GPR162: variants seen among roughly 807,000 people sequenced by gnomAD.
The protein encoded by GPR162 is G protein-coupled receptor 162, also known as probable G protein-coupled receptor 162.
A neutral mutation model predicts 44.9 loss-of-function variants in GPR162; 26 were observed. The ratio of observed to expected loss-of-function variants is 0.58; its 90% confidence interval spans 0.42 to 0.80. The LOEUF (loss-of-function observed/expected upper bound fraction) is 0.80, where lower values mean the gene tolerates loss of function less well. Ranked by LOEUF, GPR162 falls within the 30% of genes least tolerant of loss-of-function variation. The probability of loss-of-function intolerance (pLI) is 0.00; values close to 1 mark genes in which losing one functional copy is unlikely to be tolerated. For missense variants in GPR162, 704 were observed against 802.3 expected (o/e 0.88, Z 1.48); for synonymous variants, 363 against 335.2 (o/e 1.08, Z -0.91).
intron 3 of GPR162, 151 bp downstream of exon 3, chr12:6,825,824 C>G: frequency 3.0e-6 from 2 of 664,930 alleles, no homozygotes; most frequent in Non-Finnish European, 5.1e-6. Context: ...TAAGCAGGCA[C>G]CCTGCTGTCC....
Position 6,827,341 on chromosome 12 carries a change from C to T in GPR162, c.*137C>T. 1.5e-6 allele frequency: 1 copy of T among 666,396 alleles called. No individual in the cohort carries two copies. The allele number at this position is 666,396 out of a possible 1,614,324, so 41.3% of individuals were successfully genotyped here. ...GGGGCTCAGAAGGCCCTGCTCTCTC[C>T]CATCCAAGTGACCAGATGCCCTACT... On this transcript the variant is annotated 3_prime_UTR_variant, in exon 5 of 5. Transcript: ENST00000311268.
In GPR162 at chr12:6,825,682, A is replaced by C; in HGVS notation, c.1057+9A>C. On this transcript the variant is annotated intron_variant, in intron 3 of 4. Coordinates refer to ENST00000311268, the MANE Select transcript of GPR162 (RefSeq NM_019858.2). ...GGAGGATGGAGATGACGGTCAGAGGAGGGGCTGGGCTTTGGCTTTCCTGGA... is the reference window on the plus strand; with the variant it reads ...GGAGGATGGAGATGACGGTCAGAGGCGGGGCTGGGCTTTGGCTTTCCTGGA... 1.3e-6 allele frequency: 2 copies of C among 1,557,208 alleles called. No individual in the cohort carries two copies.
In GPR162 at chr12:6,825,507, G is replaced by A. The variant is rs781934229; in HGVS notation, c.891G>A (p.Lys297=). The A allele has an allele frequency of 8.7e-6, 14 of 1,610,640 alleles. No homozygotes were observed. Among genetic ancestry groups the A allele is most frequent in the Admixed American group, 1.7e-5 (1 of 59,856 alleles). ...AGGTGGTGAGCTTCTTCTCCCTCAAGTCGGACTCGGCGCCCCCCTGGATGG... is the reference window on the plus strand; with the variant it reads ...AGGTGGTGAGCTTCTTCTCCCTCAAATCGGACTCGGCGCCCCCCTGGATGG... ...PILVVSFFSL[K]SDSAPPWMVL... is the part of the protein sequence containing the mutation. The change falls in exon 3 of 5, where the codon AAG becomes AAA. Residue 297 remains lysine, a synonymous_variant. Coordinates refer to ENST00000311268, the MANE Select transcript of GPR162 (RefSeq NM_019858.2).
Position 6,823,835 on chromosome 12 carries a change from G to A in GPR162, c.-64G>A. ...GATCATGGGAGTGTTTGTGAGTGGG[G>A]CTCCTGGGTGAGACCTAGCCCCCAC... On this transcript the variant is annotated 5_prime_UTR_variant, in exon 2 of 5. Transcript: ENST00000311268. The A allele has an allele frequency of 6.3e-7, 1 of 1,596,794 alleles. No individual in the cohort carries two copies. The highest frequency in any genetic ancestry group is 8.5e-7 in the Non-Finnish European group (1 of 1,170,052).
chr12:6,826,108 G>A (rs1943350932), intron 3 of GPR162, 88 bp from the exon 4 acceptor site: 8 of 972,364 alleles, frequency 8.2e-6, no homozygotes, highest in South Asian at 7.4e-5. Flanking sequence ...GGGAACTAAA[G>A]GGGTCTCTGG....
At position 6,825,660 on chromosome 12, in the gene GPR162, G is replaced by A. The variant is rs1351852697; in HGVS notation, c.1044G>A (p.Glu348=). Residue 348 remains glutamate, a synonymous_variant, in exon 3 of 5, where the codon GAG becomes GAA. Coordinates refer to ENST00000311268, the MANE Select transcript of GPR162 (RefSeq NM_019858.2). The part of the protein sequence containing the change: ...WEQCVAIMSE[E]DGDDDGGCDD... ...AATGCGTGGCCATCATGTCTGAGGAGGATGGAGATGACGGTCAGAGGAGGG... is the reference window on the plus strand; with the variant it reads ...AATGCGTGGCCATCATGTCTGAGGAAGATGGAGATGACGGTCAGAGGAGGG... 3.8e-6 allele frequency: 6 copies of A among 1,571,146 alleles called. No individual in the cohort carries two copies. Among genetic ancestry groups the A allele is most frequent in the Middle Eastern group, 1.7e-4 (1 of 6,018 alleles).
In GPR162 at chr12:6,826,706, T is replaced by A; in HGVS notation, c.1269T>A (p.Pro423=). The change falls in exon 5 of 5, where the codon CCT becomes CCA. Residue 423 remains proline, a synonymous_variant. Transcript: ENST00000311268. ...ATGAGACAAACATCTTCTCTACCCC[T>A]CGGGAACCAGGCTCCTTCCTGCACA... is the stretch of plus-strand genomic sequence containing the variant. ...SHDETNIFST[P]REPGSFLHKW... 6.5e-7 allele frequency: 1 copy of A among 1,548,444 alleles called. No homozygotes were observed. The highest frequency in any genetic ancestry group is 8.7e-7 in the Non-Finnish European group (1 of 1,151,022).
intron 2 of GPR162, chr12:6,824,989 T>G (rs1382007827): frequency 4.6e-5 from 32 of 695,064 alleles, no homozygotes; most frequent in Non-Finnish European, 1.1e-5. Flanking sequence ...CAGCATCTGC[T>G]TCAGTTCCCA....
Position 6,827,099 on chromosome 12 carries a change from A to C in GPR162, c.1662A>C (p.Leu554=), listed in dbSNP as rs782214205. ...ESRAVGLPLG[L]SAGRRCSLTG... ...GAGCCGTTGGACTTCCTTTGGGACT[A>C]AGCGCAGGGAGACGCTGCTCCCTGA... Residue 554 remains leucine, a synonymous_variant, in exon 5 of 5, where the codon CTA becomes CTC. Transcript: ENST00000311268. The C allele has an allele frequency of 1.2e-6, 2 of 1,613,348 alleles. No individual in the cohort carries two copies. Among genetic ancestry groups the C allele is most frequent in the Non-Finnish European group, 1.7e-6 (2 of 1,179,980 alleles).
In GPR162 at chr12:6,823,571, G is replaced by A; in HGVS notation, c.-328G>A. The stretch of plus-strand genomic sequence containing the variant: ...AAAGAGACCTGGAAGTCCCAGCATG[G>A]GGACCAGAACCCCCCAGCCAGCCTC... On this transcript the variant is annotated 5_prime_UTR_variant, in exon 2 of 5. Transcript: ENST00000311268. The A allele has an allele frequency of 1.9e-6, 1 of 520,940 alleles. No homozygotes were observed. Among genetic ancestry groups the A allele is most frequent in the South Asian group, 3.0e-5 (1 of 32,818 alleles). 32.3% of individuals were successfully genotyped at this position (520,940 alleles called of 1,614,324 possible). A position where few individuals can be genotyped will look rare whatever the true frequency, so the allele number is the denominator to read the frequency against.
In GPR162 at chr12:6,825,516, G is replaced by A. The variant is rs137992743; in HGVS notation, c.900G>A (p.Ser300=). 91 of 1,611,270 alleles carry A rather than the reference G, an allele frequency of 5.6e-5. 1 individual carries two copies. Among genetic ancestry groups the A allele is most frequent in the South Asian group, 4.9e-4 (44 of 90,652 alleles). The part of the protein sequence containing the change: ...VVSFFSLKSD[S]APPWMVLAVL... ...GCTTCTTCTCCCTCAAGTCGGACTC[G>A]GCGCCCCCCTGGATGGTGCTGGCTG... Residue 300 remains serine (S), a synonymous_variant, in exon 3 of 5, where the codon TCG becomes TCA. Transcript: ENST00000311268.
intron 4 of GPR162, 133 bp from the exon 5 acceptor site, chr12:6,826,520 G>T: frequency 9.3e-7 from 1 of 1,072,826 alleles, no homozygotes; most frequent in Non-Finnish European, 1.3e-6. Context: ...GACCTCGTGG[G>T]GCCAGGTTTG....
chr12:6,825,802 C>G, intron 3 of GPR162, 129 bp downstream of exon 3: 1 of 765,124 alleles, frequency 1.3e-6, no homozygotes, highest in Admixed American at 2.6e-5. Context: ...CCACCCTGGG[C>G]TCCCCTTTCC....
rs781867480 is a variant in GPR162, at chr12:6,822,088, C to G, written c.-432+188C>G. ...CACCCCAAAGGGCGAGGGACCCCGT[C>G]GGCCAGGGAACCTCCCAGATCCCCC... On this transcript the variant is annotated intron_variant, in intron 1 of 4. Transcript: ENST00000311268. This position sits in a 1 kb window ranked among gnomAD's most constrained non-coding sequence, Gnocchi z 4.2. Among the ~76,000 whole-genome samples the G allele has an allele frequency of 5.6e-4, 86 of 152,304 alleles. No individual in the cohort carries two copies. The highest frequency in any genetic ancestry group is 1.7e-3 in the African/African-American group (72 of 41,572).
chr12:6,826,872 C>T lies in GPR162; in HGVS notation c.1435C>T (p.Leu479Phe). 3.7e-6 allele frequency: 6 copies of T among 1,613,176 alleles called. No homozygotes were observed. The highest frequency in any genetic ancestry group is 5.1e-6 in the Non-Finnish European group (6 of 1,179,680). ...EEAEGGGLAS[L>F]RQFLESGVLG... is the part of the protein sequence containing the mutation. Reference sequence around the variant, plus strand: ...GGCTGAAGGTGGGGGGCTGGCCAGCCTTCGCCAATTCTTGGAGAGTGGGGT... The same window carrying T: ...GGCTGAAGGTGGGGGGCTGGCCAGCTTTCGCCAATTCTTGGAGAGTGGGGT... The change falls in exon 5 of 5, where the codon CTT becomes TTT. Residue 479 changes from leucine to phenylalanine, a missense_variant. This residue lies in a region of GPR162 where 404 missense variants were observed against 314.1 expected (regional missense o/e 1.29). Transcript: ENST00000311268.
chr12:6,825,903 T>G (rs1430028845), intron 3 of GPR162, among the ~76,000 whole-genome samples: 2 of 152,168 alleles, frequency 1.3e-5, no homozygotes, highest in Admixed American at 1.3e-4. Context: ...AAACCCACAC[T>G]GCCCAGCTCT....
In GPR162 at chr12:6,823,472, T is replaced by C; in HGVS notation, c.-427T>C. 2.2e-6 allele frequency: 1 copy of C among 445,466 alleles called. No homozygotes were observed. The highest frequency in any genetic ancestry group is 4.0e-6 in the Non-Finnish European group (1 of 250,158). The allele number at this position is 445,466 out of a possible 1,614,324, so 27.6% of individuals were successfully genotyped here. A position where few individuals can be genotyped will look rare whatever the true frequency, so the allele number is the denominator to read the frequency against. On this transcript the variant is annotated 5_prime_UTR_variant, in exon 2 of 5. Coordinates refer to ENST00000311268, the MANE Select transcript of GPR162 (RefSeq NM_019858.2). ...CATCTCATCTTTCCCTTGCAGCCTG[T>C]CCAGGGGGCTGAGCCCCACCCCCAA...
intron 2 of GPR162, chr12:6,825,073 G>T: frequency 1.7e-6 from 1 of 601,130 alleles, no homozygotes; most frequent in Non-Finnish European, 3.1e-6. Flanking sequence ...GCAGCTCCAC[G>T]GTTCAGCCGC....
rs782444497 is a variant in GPR162 at position 6,825,690 on chromosome 12, G to C, written c.1057+17G>C. The C allele has an allele frequency of 3.2e-6, 5 of 1,548,644 alleles. No homozygotes were observed. The highest frequency in any genetic ancestry group is 3.3e-4 in the Middle Eastern group (2 of 6,008). ...GAGATGACGGTCAGAGGAGGGGCTG[G>C]GCTTTGGCTTTCCTGGACATCTGTC... On this transcript the variant is annotated intron_variant, in intron 3 of 4. Transcript: ENST00000311268.
Sources: gnomAD v4.1 joint callset for allele counts (sites outside exome capture counted in the v4.1 genomes callset) on GRCh38, gnomAD v4.1.1 for gene constraint, gnomAD v4.1.1 regional missense constraint, Gnocchi (gnomAD v3.1) non-coding constraint, MANE v1.5 for transcripts, NCBI Gene and HGNC (gene_info 2026-07-23, HGNC 2026-07-21) for gene names.